Variants in EIF5B observed in about 807,000 individuals in gnomAD.
EIF5B encodes the protein eIF-5B.
A neutral mutation model predicts 147.5 loss-of-function variants in EIF5B; 47 were observed. That is an observed-to-expected ratio of 0.32 (90% CI 0.25 to 0.41). The LOEUF is 0.41. EIF5B is among the 10% of genes least tolerant of loss of function. The pLI is 1.00. For missense variants in EIF5B, 1,064 were observed against 1,413.2 expected, an observed-to-expected ratio of 0.75 and a Z score of 3.96; for synonymous variants, 455 against 456.2, an observed-to-expected ratio of 1.00 and a Z score of 0.03.
chr2:99,349,726 G>C (rs932234159), intron 1 of EIF5B, among the ~76,000 whole-genome samples: 1 of 151,958 alleles, frequency 6.6e-6, no homozygotes, highest in Non-Finnish European at 1.5e-5. Flanking sequence ...TGATATTTTG[G>C]TATCTGTATA....
chr2:99,345,227 G>A (rs2094269839), intron 1 of EIF5B, among the ~76,000 whole-genome samples: 1 of 152,172 alleles, frequency 6.6e-6, no homozygotes, highest in African/African-American at 2.4e-5. Context: ...AGCCTTGCCT[G>A]TTGTATGAGA....
intron 1 of EIF5B, among the ~76,000 whole-genome samples, chr2:99,352,441 C>T (rs772431521): frequency 6.6e-6 from 1 of 151,904 alleles, no homozygotes; most frequent in Non-Finnish European, 1.5e-5. Context: ...GTGATCCACC[C>T]GCTTTGGCTT....
At chr2:99,339,661 TC>T (rs772007504) in intron 1 of EIF5B, among the ~76,000 whole-genome samples, 5 of 152,122 alleles carry the variant, frequency 3.3e-5, no homozygotes, top group Non-Finnish European at 7.4e-5. Flanking sequence ...ACAGGCGCGA[TC>T]CGGCTTATAT....
chr2:99,390,574 A>G lies in EIF5B; in HGVS notation c.2617A>G (p.Ile873Val), dbSNP rs191568464. ...AGCTCTCCCGGGGATGGGCACCACT[A>G]TAGATGTCATCTTGATCAATGGGCG... Reference protein sequence around the residue: ...VKALPGMGTTIDVILINGRLK... With the variant: ...VKALPGMGTTVDVILINGRLK... Residue 873 changes from isoleucine to valine, a missense_variant, in exon 17 of 24, where the codon ATA becomes GTA. Transcript: ENST00000289371. 3.7e-5 allele frequency: 59 copies of G among 1,612,832 alleles called. No individual in the cohort carries two copies. The African/African-American group carries it at 5.2e-4, about 14-fold the overall frequency.
chr2:99,352,190 C>G (rs1465494733), intron 1 of EIF5B, among the ~76,000 whole-genome samples: 1 of 151,822 alleles, frequency 6.6e-6, no homozygotes, highest in African/African-American at 2.4e-5. Context: ...TTTGTCATGG[C>G]TTTTCTTTTC....
intron 1 of EIF5B, among the ~76,000 whole-genome samples, chr2:99,353,836 C>G (rs954442326): frequency 1.3e-5 from 2 of 152,126 alleles, no homozygotes; most frequent in Admixed American, 1.3e-4. Flanking sequence ...TGGGATCTAT[C>G]GAAGTTGTTG....
At chr2:99,352,404 A>G (rs534912943) in intron 1 of EIF5B, among the ~76,000 whole-genome samples, 73 of 151,244 alleles carry the variant, frequency 4.8e-4, no homozygotes, top group Non-Finnish European at 8.3e-4. Context: ...CATGTTGGTC[A>G]GGCTGGTATC....
chr2:99,380,800 C>T (rs970645535), intron 12 of EIF5B, among the ~76,000 whole-genome samples: 6 of 152,224 alleles, frequency 3.9e-5, no homozygotes, highest in East Asian at 1.9e-4. Context: ...TTTTATGAAG[C>T]GTGTCTTCTA....
At chr2:99,342,244 T>A (rs1013825798) in intron 1 of EIF5B, among the ~76,000 whole-genome samples, 3 of 152,088 alleles carry the variant, frequency 2.0e-5, no homozygotes, top group Non-Finnish European at 1.5e-5. Flanking sequence ...TTTTTTTTTT[T>A]AAATGTAATA....
chr2:99,367,609 T>C (rs767508647), intron 6 of EIF5B, among the ~76,000 whole-genome samples: 1 of 151,900 alleles, frequency 6.6e-6, no homozygotes, highest in Non-Finnish European at 1.5e-5. Flanking sequence ...ATATATATTT[T>C]ATATAATACA....
chr2:99,339,656 C>G (rs968588615), intron 1 of EIF5B, among the ~76,000 whole-genome samples: 1 of 152,070 alleles, frequency 6.6e-6, no homozygotes, highest in Non-Finnish European at 1.5e-5. Context: ...GGACTACAGG[C>G]GCGATCCGGC....
chr2:99,394,829 A>T lies in EIF5B; in HGVS notation c.3200A>T (p.Asp1067Val). 1 of 1,610,324 alleles carries T rather than the reference A, an allele frequency of 6.2e-7. No homozygotes were observed. Among genetic ancestry groups the T allele is most frequent in the East Asian group, 2.2e-5 (1 of 44,854 alleles). ...GCAGAAATTATTTATCATTTATTTG[A>T]TGCCTTTACAAAATATAGACAAGAC... ...FSAEIIYHLF[D>V]AFTKYRQDYK... Residue 1067 changes from aspartate (D) to valine (V), a missense_variant, in exon 21 of 24, where the codon GAT becomes GTT. This residue lies in a region of EIF5B where 380 missense variants were observed against 715.6 expected (regional missense o/e 0.53). Transcript: ENST00000289371.
intron 1 of EIF5B, chr2:99,338,474 T>A: frequency 4.0e-6 from 2 of 495,484 alleles, no homozygotes; most frequent in South Asian, 1.6e-5. Flanking sequence ...TAAGGTAAAT[T>A]AAAAAAACTA....
chr2:99,391,817 C>G (rs1210911227), intron 17 of EIF5B, among the ~76,000 whole-genome samples: 2 of 150,054 alleles, frequency 1.3e-5, no homozygotes, highest in Non-Finnish European at 3.0e-5. Context: ...GCAGCCTCAA[C>G]CTCCCCGGGG....
intron 14 of EIF5B, 59 bp downstream of exon 14, chr2:99,382,980 T>TA: frequency 2.0e-6 from 3 of 1,500,578 alleles, no homozygotes; most frequent in East Asian, 2.3e-5. Context: ...TTTTTGTGAT[T>TA]AAAAAAAGTA....
chr2:99,361,406 G>A lies in EIF5B; in HGVS notation c.505G>A (p.Asp169Asn). ...GTGGGATGGGTCAGAGGAGGATGAG[G>A]ATAACAGTAAAAAAATTAAAGAGCG... ...KKWDGSEEDE[D>N]NSKKIKERSR... The change falls in exon 4 of 24, where the codon GAT (aspartate) becomes AAT (asparagine). Residue 169 changes from aspartate to asparagine, a missense_variant. By Grantham distance (23) the Asp-to-Asn change is conservative. Coordinates refer to ENST00000289371, the MANE Select transcript of EIF5B (RefSeq NM_015904.4). 1.2e-6 allele frequency: 2 copies of A among 1,613,792 alleles called. No homozygotes were observed. The highest frequency in any genetic ancestry group is 3.3e-5 in the Admixed American group (2 of 59,994).
intron 12 of EIF5B, among the ~76,000 whole-genome samples, chr2:99,380,075 A>T (rs933600820): frequency 3.3e-5 from 5 of 152,252 alleles, no homozygotes; most frequent in African/African-American, 1.2e-4. Flanking sequence ...TTATTGGATT[A>T]CTTCTATAGA....
intron 7 of EIF5B, among the ~76,000 whole-genome samples, 194 bp from the exon 8 acceptor site, chr2:99,369,198 C>T (rs552517019): frequency 2.0e-5 from 3 of 152,190 alleles, no homozygotes; most frequent in South Asian, 4.1e-4. Flanking sequence ...TGCTTGAACC[C>T]GGGAGGTGGA....
rs1176421899 is a variant in EIF5B, at chr2:99,399,502, A to C, written c.*88A>C. 1 of 1,220,970 alleles carries C rather than the reference A, an allele frequency of 8.2e-7. No individual in the cohort carries two copies. Among genetic ancestry groups the C allele is most frequent in the East Asian group, 2.5e-5 (1 of 40,456 alleles). The allele number at this position is 1,220,970 out of a possible 1,614,324, so 75.6% of individuals were successfully genotyped here. A position where few individuals can be genotyped will look rare whatever the true frequency, so the allele number is the denominator to read the frequency against. ...ATCAGACAAAAAATGGAACAGACGT[A>C]TTTGGACACTGATGGACTTAAGTAT... On this transcript the variant is annotated 3_prime_UTR_variant, in exon 24 of 24. Transcript: ENST00000289371.
Sources: gnomAD v4.1 joint callset for allele counts (sites outside exome capture counted in the v4.1 genomes callset) on GRCh38, gnomAD v4.1.1 for gene constraint, gnomAD v4.1.1 regional missense constraint, MANE v1.5 for transcripts, NCBI Gene and HGNC (gene_info 2026-07-23, HGNC 2026-07-21) for gene names.